RASSF8: variants seen among roughly 807,000 people sequenced by gnomAD.
RASSF8 encodes ras association domain-containing protein 8.
Under a neutral mutation model 48.5 loss-of-function variants are expected in RASSF8, and 22 were observed. The observed-to-expected ratio is 0.45, with a 90% CI of 0.32 to 0.65. The LOEUF is 0.65. RASSF8 is among the 30% of genes least tolerant of loss of function. The pLI, the probability that RASSF8 is intolerant of heterozygous loss-of-function variation, is 0.03. For synonymous variants in RASSF8, 127 were observed against 171.5 expected, an observed-to-expected ratio of 0.74 and a Z score of 2.03; for missense variants, 418 against 489.2, an observed-to-expected ratio of 0.85 and a Z score of 1.37.
chr12:26,057,354 A>T (rs560180907), intron 3 of RASSF8, among the ~76,000 whole-genome samples: 7 of 151,964 alleles, frequency 4.6e-5, no homozygotes, highest in East Asian at 1.9e-4. Context: ...TTCAGTTCCC[A>T]CCTATGAGTG....
chr12:25,972,234 A>G (rs1206775453), intron 1 of RASSF8, among the ~76,000 whole-genome samples: 1 of 152,226 alleles, frequency 6.6e-6, no homozygotes, highest in African/African-American at 2.4e-5. Context: ...ACACTTCAAC[A>G]AATAGTAAGT....
intron 2 of RASSF8, chr12:26,020,130 G>A (rs1942752445): frequency 6.6e-6 from 1 of 152,124 alleles, no homozygotes; most frequent in South Asian, 2.1e-4. Flanking sequence ...GAATTATCTT[G>A]GTGGGTCCTT....
intron 2 of RASSF8, among the ~76,000 whole-genome samples, chr12:26,049,736 T>G (rs1297606790): frequency 6.6e-6 from 1 of 152,198 alleles, no homozygotes; most frequent in Admixed American, 6.5e-5. Context: ...AAAACTAAAG[T>G]TACTAGTTAT....
intron 2 of RASSF8, among the ~76,000 whole-genome samples, chr12:26,024,325 T>A (rs1340415896): frequency 6.6e-6 from 1 of 152,140 alleles, no homozygotes; most frequent in Non-Finnish European, 1.5e-5. Context: ...TGTATCTCAT[T>A]GGAATAAAGA....
chr12:25,990,167 G>A (rs1941981211), intron 1 of RASSF8, among the ~76,000 whole-genome samples: 1 of 151,954 alleles, frequency 6.6e-6, no homozygotes, highest in African/African-American at 2.4e-5. Flanking sequence ...TGGGAATATT[G>A]ATAAATTAAT....
chr12:26,040,720 G>A (rs1364362576), intron 2 of RASSF8, among the ~76,000 whole-genome samples: 1 of 152,126 alleles, frequency 6.6e-6, no homozygotes, highest in African/African-American at 2.4e-5. Flanking sequence ...CATTTTAATA[G>A]CAAGGTAACT....
chr12:26,039,794 G>T (rs1943226527), intron 2 of RASSF8, among the ~76,000 whole-genome samples: 1 of 152,222 alleles, frequency 6.6e-6, no homozygotes. Flanking sequence ...GCTTTTACTT[G>T]TTATTTACTT....
At chr12:26,043,025 C>T (rs970076955) in intron 2 of RASSF8, among the ~76,000 whole-genome samples, 1 of 152,140 alleles carries the variant, frequency 6.6e-6, no homozygotes, top group Non-Finnish European at 1.5e-5. Flanking sequence ...CTGTTTGTTT[C>T]CGTCCTGTAC....
At position 26,069,808 on chromosome 12, in the gene RASSF8, G is replaced by T; in HGVS notation, c.*990G>T. On this transcript the variant is annotated 3_prime_UTR_variant, in exon 6 of 6. Transcript: ENST00000689635. ...ACACACCATGGGTAAGGTATTGCTTGCACATAATTTGCTCTGCATATTATG... is the reference window on the plus strand; with the variant it reads ...ACACACCATGGGTAAGGTATTGCTTTCACATAATTTGCTCTGCATATTATG... 1 of 985,184 alleles carries T rather than the reference G, an allele frequency of 1.0e-6. No individual in the cohort carries two copies. Among genetic ancestry groups the T allele is most frequent in the Non-Finnish European group, 1.2e-6 (1 of 829,716 alleles). 61.0% of individuals were successfully genotyped at this position (985,184 alleles called of 1,614,324 possible).
chr12:26,077,212 G>A (rs557916224), downstream of RASSF8, among the ~76,000 whole-genome samples: 3 of 152,302 alleles, frequency 2.0e-5, no homozygotes, highest in African/African-American at 7.2e-5. Context: ...TCTGAAGGTT[G>A]CCTGTTCACT....
At chr12:26,073,607 C>T (rs552492633), downstream of RASSF8, among the ~76,000 whole-genome samples, 8 of 151,976 alleles carry the variant, frequency 5.3e-5, no homozygotes, top group Middle Eastern at 3.4e-3. Flanking sequence ...GGCGTGGTGG[C>T]GGGCACCTGT....
chr12:26,024,191 A>C (rs1013637227), intron 2 of RASSF8, among the ~76,000 whole-genome samples: 1 of 152,154 alleles, frequency 6.6e-6, no homozygotes, highest in Non-Finnish European at 1.5e-5. Flanking sequence ...AATTGAGATG[A>C]GGTCTTGCTC....
chr12:26,055,924 G>T (rs1020413751), intron 3 of RASSF8, among the ~76,000 whole-genome samples: 1 of 152,154 alleles, frequency 6.6e-6, no homozygotes, highest in African/African-American at 2.4e-5. Flanking sequence ...GGTGGCTCAC[G>T]CCTGTAATCC....
chr12:26,018,374 TTTACA>T (rs1352630296), intron 2 of RASSF8, among the ~76,000 whole-genome samples: 16 of 152,268 alleles, frequency 1.1e-4, no homozygotes, highest in Middle Eastern at 3.4e-3. Flanking sequence ...TTAAAAATTC[TTTACA>T]TTATATAACT....
chr12:25,984,244 T>A (rs7965645), intron 1 of RASSF8, among the ~76,000 whole-genome samples: 4 of 130,868 alleles, frequency 3.1e-5, no homozygotes, highest in East Asian at 2.2e-4. Flanking sequence ...TTTTTTTTTT[T>A]TTTTTTAGTT....
chr12:26,023,998 C>A (rs991430620), intron 2 of RASSF8, among the ~76,000 whole-genome samples: 1 of 152,112 alleles, frequency 6.6e-6, no homozygotes, highest in African/African-American at 2.4e-5. Context: ...TTACTTACCT[C>A]AGCTCATTTA....
intron 1 of RASSF8, chr12:25,973,913 T>A (rs192498149): frequency 6.6e-6 from 1 of 152,318 alleles, no homozygotes; most frequent in Admixed American, 6.5e-5. Flanking sequence ...TATAGTATTT[T>A]GTTAAAGCAG....
At chr12:26,020,204 G>A in intron 2 of RASSF8, 1 of 152,128 alleles carries the variant, frequency 6.6e-6, no homozygotes. Context: ...ATAGATTAGA[G>A]TGACGTGGTC....
In RASSF8 at chr12:26,064,833, A is replaced by G. The variant is rs148235652; in HGVS notation, c.439A>G (p.Lys147Glu). The change falls in exon 4 of 6, where the codon AAA becomes GAA. Residue 147 changes from lysine (K) to glutamate (E), a missense_variant. By Grantham distance (56) the Lys-to-Glu change is moderately conservative. Transcript: ENST00000689635. ...ATTAATGGACATTTTTGGAAAAGGT[A>G]AAGAAACTGAGTTTAAGCAAAAGGT... ...KGLMDIFGKG[K>E]ETEFKQKVLN... The G allele has an allele frequency of 1.5e-5, 24 of 1,614,108 alleles. No homozygotes were observed. In the African/African-American group the frequency reaches 2.8e-4, roughly 19 times the overall value.
Sources: allele counts gnomAD v4.1 joint callset (sites outside exome capture counted in the v4.1 genomes callset), GRCh38; gene constraint gnomAD v4.1.1; transcripts MANE v1.5; gene names NCBI Gene and HGNC (gene_info 2026-07-23, HGNC 2026-07-21).